POLR2F: variants seen among roughly 807,000 people sequenced by gnomAD.
The protein encoded by POLR2F is RNA polymerase II, I and III subunit F.
A neutral mutation model predicts 22.7 loss-of-function variants in POLR2F; 12 were observed. The ratio of observed to expected loss-of-function variants is 0.53; its 90% CI spans 0.34 to 0.86. The LOEUF (loss-of-function observed/expected upper bound fraction) is 0.86. POLR2F is among the 40% of genes least tolerant of loss of function. The probability of loss-of-function intolerance (pLI) is 0.02; values close to 1 mark genes in which losing one functional copy is unlikely to be tolerated. For missense variants in POLR2F, 126 were observed against 171.5 expected (o/e 0.73, Z 1.48); for synonymous variants, 57 against 66.0 (o/e 0.86, Z 0.66).
intron 5 of POLR2F, among the ~76,000 whole-genome samples, chr22:38,038,266 C>T (rs537778904): frequency 6.6e-6 from 1 of 152,314 alleles, no homozygotes; most frequent in East Asian, 1.9e-4. Flanking sequence ...GAACCAGGAC[C>T]AGCTTTGGGA....
rs139860510 is a variant in POLR2F, at chr22:37,980,292, C to T, written c.293+13122C>T. 4.9e-4 allele frequency among the ~76,000 whole-genome samples: 75 copies of T among 152,162 alleles called. No homozygotes were observed. Among genetic ancestry groups the T allele is most frequent in the Non-Finnish European group, 9.4e-4 (64 of 67,990 alleles). On this transcript the variant is annotated intron_variant, in intron 4 of 4. Coordinates refer to the POLR2F transcript ENST00000405557. The surrounding 1 kb of genome is among the most constrained non-coding windows in gnomAD (Gnocchi z 4.1). ...GAGAGCTGCTCCGCCAGCAGTGGAC[C>T]CCAACAGAGGGGCTTCTGGGATGGC... is the stretch of plus-strand genomic sequence containing the variant.
chr22:37,953,933 C>G (rs1290377004), intron 1 of POLR2F, 126 bp downstream of exon 1: 12 of 1,172,838 alleles, frequency 1.0e-5, no homozygotes, highest in Non-Finnish European at 1.4e-5. Flanking sequence ...CTGAGGGGGC[C>G]GGCGGAGCCG....
chr22:37,976,340 C>T (rs542495774), intron 4 of POLR2F, among the ~76,000 whole-genome samples: 4 of 152,316 alleles, frequency 2.6e-5, no homozygotes, highest in East Asian at 1.9e-4. Flanking sequence ...GGACTGCGGG[C>T]GCATTCCACC....
rs1932371188 is a variant in POLR2F, at chr22:37,980,692, C to T, written c.293+13522C>T. On this transcript the variant is annotated intron_variant, in intron 4 of 4. Coordinates refer to the POLR2F transcript ENST00000405557. This position sits in a 1 kb window ranked among gnomAD's most constrained non-coding sequence, Gnocchi z 4.1. Reference sequence around the variant, plus strand: ...CTCCAGCTCTAACTCCAAACCCAGTCCTCATCTGCACCTTCCTGTCAGCCC... The same window carrying T: ...CTCCAGCTCTAACTCCAAACCCAGTTCTCATCTGCACCTTCCTGTCAGCCC... Among the ~76,000 whole-genome samples, 1 of 152,230 alleles carries T rather than the reference C, an allele frequency of 6.6e-6. No homozygotes were observed. Among genetic ancestry groups the T allele is most frequent in the Non-Finnish European group, 1.5e-5 (1 of 68,042 alleles).
chr22:37,999,676 G>A (rs746754099), intron 1 of POLR2F, among the ~76,000 whole-genome samples: 8 of 152,136 alleles, frequency 5.3e-5, no homozygotes, highest in Non-Finnish European at 1.0e-4. Flanking sequence ...GGAGGATGAG[G>A]GCTTTGGGGC....
rs558217892 is a variant in POLR2F at position 37,955,552 on chromosome 22, A to T, written c.21-1221A>T. On this transcript the variant is annotated intron_variant, in intron 1 of 4. Transcript: ENST00000442738. ...AGACTTTGTCTCAAAAAAAAAAAAA[A>T]TGCTGATGGGAATGATCCAGTAGAG... 4.0e-5 allele frequency among the ~76,000 whole-genome samples: 6 copies of T among 151,714 alleles called. No individual in the cohort carries two copies. The South Asian group carries it at 8.3e-4, about 21-fold the overall frequency.
intron 1 of POLR2F, among the ~76,000 whole-genome samples, chr22:38,024,337 A>T (rs1270501117): frequency 6.6e-6 from 1 of 152,156 alleles, no homozygotes; most frequent in Admixed American, 6.5e-5. Flanking sequence ...TTATTCATTT[A>T]TTGATGGACA....
In POLR2F at chr22:37,969,057, A is replaced by G. The variant is rs1931966990; in HGVS notation, c.*1342A>G. The G allele has an allele frequency of 1.0e-6, 1 of 985,292 alleles. No individual in the cohort carries two copies. Among genetic ancestry groups the G allele is most frequent in the Non-Finnish European group, 1.2e-6 (1 of 829,946 alleles). The allele number at this position is 985,292 out of a possible 1,614,324, so 61.0% of individuals were successfully genotyped here. A position where few individuals can be genotyped will look rare whatever the true frequency, so the allele number is the denominator to read the frequency against. On this transcript the variant is annotated 3_prime_UTR_variant, in exon 5 of 5. Transcript: ENST00000442738. ...GTGCGGGGGTCACTTTCTCGGCCCCATTTCTCTAAATGGTCTCTTTGTTCC... is the reference window on the plus strand; with the variant it reads ...GTGCGGGGGTCACTTTCTCGGCCCCGTTTCTCTAAATGGTCTCTTTGTTCC...
chr22:37,954,603 C>T (rs1041183312), intron 1 of POLR2F, among the ~76,000 whole-genome samples: 4 of 151,992 alleles, frequency 2.6e-5, no homozygotes, highest in African/African-American at 9.7e-5. Context: ...GCCCGGCCTG[C>T]TTGTAGTAAT....
At chr22:38,021,657 A>G (rs1029751453) in intron 1 of POLR2F, among the ~76,000 whole-genome samples, 13 of 151,208 alleles carry the variant, frequency 8.6e-5, no homozygotes, top group African/African-American at 3.2e-4. Flanking sequence ...GGGTTTCACC[A>G]TGTTGGCCAG....
Position 37,980,337 on chromosome 22 carries a change from G to A in POLR2F, c.293+13167G>A, listed in dbSNP as rs1025635976. On this transcript the variant is annotated intron_variant, in intron 4 of 4. Transcript: ENST00000405557. This position sits in a 1 kb window ranked among gnomAD's most constrained non-coding sequence, Gnocchi z 4.1. Reference sequence around the variant, plus strand: ...GATGGCTGGGGACATGGGACACAGAGCTCACTCTTTCACCTATCCTTCCCT... The same window carrying A: ...GATGGCTGGGGACATGGGACACAGAACTCACTCTTTCACCTATCCTTCCCT... 1.3e-5 allele frequency among the ~76,000 whole-genome samples: 2 copies of A among 152,120 alleles called. No individual in the cohort carries two copies. The highest frequency in any genetic ancestry group is 2.9e-5 in the Non-Finnish European group (2 of 68,002).
At chr22:37,962,369 C>T (rs1931678502) in intron 3 of POLR2F, among the ~76,000 whole-genome samples, 1 of 152,192 alleles carries the variant, frequency 6.6e-6, no homozygotes, top group Admixed American at 6.5e-5. Context: ...GTTGCCTCCT[C>T]TAGTCCTGTA....
chr22:38,023,164 T>C (rs2084975962), intron 1 of POLR2F, among the ~76,000 whole-genome samples: 1 of 152,034 alleles, frequency 6.6e-6, no homozygotes, highest in South Asian at 2.1e-4. Flanking sequence ...GGGAGGAGGG[T>C]GCCTCCAGAG....
chr22:37,999,731 G>A (rs1285449610), intron 1 of POLR2F, among the ~76,000 whole-genome samples: 2 of 152,164 alleles, frequency 1.3e-5, no homozygotes, highest in African/African-American at 4.8e-5. Flanking sequence ...GACCTGGGCA[G>A]AGCTCCTTTG....
downstream of POLR2F, among the ~76,000 whole-genome samples, chr22:38,030,554 C>T (rs148217642): frequency 5.6e-4 from 85 of 152,268 alleles, no homozygotes; most frequent in African/African-American, 1.9e-3. Context: ...TCCTTCTCCC[C>T]GATCATTCCC....
chr22:38,026,883 C>T (rs954530236), downstream of POLR2F, among the ~76,000 whole-genome samples: 4 of 152,030 alleles, frequency 2.6e-5, no homozygotes, highest in African/African-American at 4.8e-5. Context: ...TCTCCTACCC[C>T]GGCTGCCTCT....
At chr22:37,965,017 G>A (rs903616122) in intron 3 of POLR2F, among the ~76,000 whole-genome samples, 26 of 152,148 alleles carry the variant, frequency 1.7e-4, no homozygotes, top group Non-Finnish European at 3.1e-4. Flanking sequence ...CTCTGCACTT[G>A]GTAGGTGCAG....
chr22:37,956,034 G>A (rs1259607625), intron 1 of POLR2F, among the ~76,000 whole-genome samples: 1 of 151,770 alleles, frequency 6.6e-6, no homozygotes, highest in South Asian at 2.1e-4. Flanking sequence ...CATACTGGGC[G>A]AGACACAGAT....
Position 37,974,838 on chromosome 22 carries a change from C to T in POLR2F, c.293+7668C>T, listed in dbSNP as rs1039341022. 3.9e-5 allele frequency among the ~76,000 whole-genome samples: 6 copies of T among 152,214 alleles called. No homozygotes were observed. Among genetic ancestry groups the T allele is most frequent in the Non-Finnish European group, 7.3e-5 (5 of 68,040 alleles). On this transcript the variant is annotated intron_variant, in intron 4 of 4. Transcript: ENST00000405557. This position sits in a 1 kb window ranked among gnomAD's most constrained non-coding sequence, Gnocchi z 5.4. ...CCCAGCCTTTGCGCTCTGCCAGCCC[C>T]GCTTCCACACCCATGCCTACTGTCT...
Sources: gnomAD v4.1 joint callset for allele counts (sites outside exome capture counted in the v4.1 genomes callset) on GRCh38, gnomAD v4.1.1 for gene constraint, Gnocchi (gnomAD v3.1) non-coding constraint, MANE v1.5 for transcripts, NCBI Gene and HGNC (gene_info 2026-07-23, HGNC 2026-07-21) for gene names.